The following NRF1 variants were observed in gnomAD, a reference collection of about 807,000 sequenced individuals.
NRF1 encodes alpha palindromic-binding protein.
Under a neutral mutation model 58.5 loss-of-function variants are expected in NRF1, and 5 were observed. The observed-to-expected ratio is 0.09, with a 90% confidence interval of 0.04 to 0.18. NRF1 has a LOEUF of 0.18. Ranked by LOEUF, NRF1 falls within the 10% of genes least tolerant of loss-of-function variation. The pLI is 1.00. For synonymous variants in NRF1, 224 were observed against 246.7 expected, an observed-to-expected ratio of 0.91 and a Z score of 0.86; for missense variants, 288 against 657.7, an observed-to-expected ratio of 0.44 and a Z score of 6.15.
intron 10 of NRF1, among the ~76,000 whole-genome samples, chr7:129,730,200 T>C (rs1803546949): frequency 6.6e-6 from 1 of 152,116 alleles, no homozygotes; most frequent in Non-Finnish European, 1.5e-5. Context: ...CTTTTTTCTT[T>C]TTTTAATAGA....
intron 1 of NRF1, among the ~76,000 whole-genome samples, chr7:129,642,756 A>ACTTTTTTTTTTTTTTTTTT (rs1562957544): frequency 6.1e-5 from 8 of 131,706 alleles, no homozygotes; most frequent in East Asian, 6.7e-4. Context: ...TTCTTTAAAA[A>ACTTTTTTTTTTTTTTTTTT]ATTTTTTTTT....
rs768946038 is a variant in NRF1, at chr7:129,657,349, T to C, written c.-3T>C. ...TTTCTTTTTTGTCTGACAGTAGAAC[T>C]TCATGGAGGAACACGGAGTGACCCA... On this transcript the variant is annotated 5_prime_UTR_variant, in exon 2 of 11. Transcript: ENST00000393232. 2 of 1,611,930 alleles carry C rather than the reference T, an allele frequency of 1.2e-6. No homozygotes were observed. Among genetic ancestry groups the C allele is most frequent in the East Asian group, 2.2e-5 (1 of 44,870 alleles).
At chr7:129,665,343 C>T (rs1261189498) in intron 2 of NRF1, among the ~76,000 whole-genome samples, 1 of 152,156 alleles carries the variant, frequency 6.6e-6, no homozygotes, top group African/African-American at 2.4e-5. Context: ...CCCAACTCCA[C>T]TTAACCAGCG....
At chr7:129,660,519 G>A (rs6958375) in intron 2 of NRF1, among the ~76,000 whole-genome samples, 64,997 of 150,280 alleles carry the variant, frequency 0.43, 16,516 homozygotes, top group East Asian at 0.66. Context: ...GGCATTCCAA[G>A]TGGGAGAAAT....
intron 10 of NRF1, chr7:129,735,201 T>G (rs1803678558): frequency 2.0e-6 from 2 of 985,254 alleles, no homozygotes; most frequent in African/African-American, 3.5e-5. Flanking sequence ...TCCCTCCTCA[T>G]GTTCTGAATG....
At chr7:129,637,252 G>GAAA (rs35335362) in intron 1 of NRF1, among the ~76,000 whole-genome samples, 1 of 133,276 alleles carries the variant, frequency 7.5e-6, no homozygotes, top group Non-Finnish European at 1.6e-5. Flanking sequence ...AGGCTCTGCT[G>GAAA]AAAAAAAAAA....
chr7:129,626,940 T>G (rs1464108763), intron 1 of NRF1, among the ~76,000 whole-genome samples: 1 of 152,252 alleles, frequency 6.6e-6, no homozygotes, highest in Non-Finnish European at 1.5e-5. Context: ...GCATTTGATA[T>G]AAAAGACTAG....
chr7:129,748,951 G>A (rs1300117870), intron 10 of NRF1, among the ~76,000 whole-genome samples: 1 of 152,242 alleles, frequency 6.6e-6, no homozygotes, highest in Non-Finnish European at 1.5e-5. Context: ...TCCAGAGTGT[G>A]CAAGACTGTG....
intron 9 of NRF1, among the ~76,000 whole-genome samples, chr7:129,720,410 A>C (rs1410397595): frequency 6.6e-6 from 1 of 152,194 alleles, no homozygotes; most frequent in Non-Finnish European, 1.5e-5. Context: ...TTGCACTCTG[A>C]GCCTCTCCAC....
chr7:129,708,711 A>G (rs1025178348), intron 5 of NRF1, among the ~76,000 whole-genome samples: 1 of 152,220 alleles, frequency 6.6e-6, no homozygotes, highest in African/African-American at 2.4e-5. Flanking sequence ...CTTCCAGAAC[A>G]GTGTTGAAAA....
intron 10 of NRF1, among the ~76,000 whole-genome samples, chr7:129,754,027 G>A (rs1804186430): frequency 6.6e-6 from 1 of 152,146 alleles, no homozygotes; most frequent in Admixed American, 6.5e-5. Flanking sequence ...AGACAGGCCG[G>A]GGACATTCAC....
chr7:129,697,516 C>G (rs1802727313), intron 5 of NRF1, among the ~76,000 whole-genome samples: 1 of 151,214 alleles, frequency 6.6e-6, no homozygotes, highest in Non-Finnish European at 1.5e-5. Context: ...CCACTGCACT[C>G]CAGCTTGGGC....
intron 2 of NRF1, among the ~76,000 whole-genome samples, chr7:129,666,498 A>G (rs542177195): frequency 1.2e-3 from 176 of 152,268 alleles, no homozygotes; most frequent in African/African-American, 4.1e-3. Context: ...TTTAACTGTT[A>G]TATGGTATTC....
chr7:129,687,161 A>C (rs930926878), intron 4 of NRF1, among the ~76,000 whole-genome samples: 1 of 151,958 alleles, frequency 6.6e-6, no homozygotes, highest in Non-Finnish European at 1.5e-5. Context: ...GTGTTTTTTC[A>C]TGTAATATTG....
At chr7:129,663,643 C>T (rs1376395318) in intron 2 of NRF1, among the ~76,000 whole-genome samples, 8 of 130,602 alleles carry the variant, frequency 6.1e-5, no homozygotes, top group South Asian at 2.9e-4. Context: ...ACTTCCCAGA[C>T]GGGGCGGGCG....
intron 1 of NRF1, among the ~76,000 whole-genome samples, chr7:129,632,535 C>T (rs1239947971): frequency 6.6e-6 from 1 of 152,036 alleles, no homozygotes; most frequent in Non-Finnish European, 1.5e-5. Context: ...CCTTCCCCAT[C>T]CTAGTCCTCT....
chr7:129,731,749 G>T (rs1803584767), intron 10 of NRF1, among the ~76,000 whole-genome samples: 1 of 152,006 alleles, frequency 6.6e-6, no homozygotes, highest in African/African-American at 2.4e-5. Context: ...GGGACCACAG[G>T]TGCGCACTGC....
At chr7:129,614,329 T>G (rs1295055023) in intron 1 of NRF1, among the ~76,000 whole-genome samples, 3 of 152,272 alleles carry the variant, frequency 2.0e-5, no homozygotes, top group Admixed American at 2.0e-4. Flanking sequence ...TTGGCCAGGC[T>G]GGTCTCGAAC....
chr7:129,657,340 C>T lies in NRF1; in HGVS notation c.-6-6C>T, dbSNP rs1184010581. 1.3e-6 allele frequency: 2 copies of T among 1,597,154 alleles called. No homozygotes were observed. Among genetic ancestry groups the T allele is most frequent in the South Asian group, 1.1e-5 (1 of 90,668 alleles). ...CCTGTTCTTTTTCTTTTTTGTCTGA[C>T]AGTAGAACTTCATGGAGGAACACGG... On this transcript the variant is annotated splice_region_variant and splice_polypyrimidine_tract_variant and intron_variant, in intron 1 of 10. Coordinates refer to ENST00000393232, the MANE Select transcript of NRF1 (RefSeq NM_005011.5).
Sources: allele counts gnomAD v4.1 joint callset (sites outside exome capture counted in the v4.1 genomes callset), GRCh38; gene constraint gnomAD v4.1.1; transcripts MANE v1.5; gene names NCBI Gene and HGNC (gene_info 2026-07-23, HGNC 2026-07-21).